Variants in NPAS3 observed in about 807,000 individuals in gnomAD.
NPAS3 encodes the protein neuronal PAS domain-containing protein 3.
In NPAS3, 14 loss-of-function variants were observed where a neutral mutation model predicts 73.1. That is an observed-to-expected ratio of 0.19 (90% CI 0.13 to 0.30). The LOEUF (loss-of-function observed/expected upper bound fraction) is 0.30, where lower values mean the gene tolerates loss of function less well. Ranked by LOEUF, NPAS3 falls within the 10% of genes least tolerant of loss-of-function variation. The pLI is 1.00. For synonymous variants in NPAS3, 620 were observed against 541.5 expected, an observed-to-expected ratio of 1.14 and a Z score of -2.01; for missense variants, 1,096 against 1,250.0, an observed-to-expected ratio of 0.88 and a Z score of 1.86.
chr14:33,325,814 T>A (rs564767865), intron 3 of NPAS3, among the ~76,000 whole-genome samples: 8 of 151,410 alleles, frequency 5.3e-5, no homozygotes, highest in African/African-American at 1.2e-4. Context: ...CTGGTAACCA[T>A]CCTTCTATGA....
chr14:33,417,087 T>C (rs2048177088), intron 4 of NPAS3, among the ~76,000 whole-genome samples: 1 of 152,072 alleles, frequency 6.6e-6, no homozygotes, highest in African/African-American at 2.4e-5. Context: ...TGCAAGATGA[T>C]ATAATTAAGA....
chr14:33,120,833 A>T (rs1029536959), intron 2 of NPAS3, among the ~76,000 whole-genome samples: 1 of 152,108 alleles, frequency 6.6e-6, no homozygotes, highest in African/African-American at 2.4e-5. Flanking sequence ...AAGGAGAAGT[A>T]TGAGTTTATC....
chr14:33,540,472 A>G (rs2054461089), intron 4 of NPAS3, among the ~76,000 whole-genome samples: 1 of 152,204 alleles, frequency 6.6e-6, no homozygotes, highest in Non-Finnish European at 1.5e-5. Flanking sequence ...AAAAAACAAC[A>G]TTGTTCCTTC....
chr14:33,202,056 C>G (rs758678748), intron 2 of NPAS3, among the ~76,000 whole-genome samples: 13 of 152,048 alleles, frequency 8.5e-5, no homozygotes, highest in Non-Finnish European at 1.5e-4. Context: ...TTAAAATGTG[C>G]CTAATTATTT....
intron 10 of NPAS3, among the ~76,000 whole-genome samples, chr14:33,795,456 G>A (rs577419260): frequency 6.6e-6 from 1 of 152,268 alleles, no homozygotes; most frequent in East Asian, 1.9e-4. Flanking sequence ...AATGCAGGTG[G>A]TTATAAAAAC....
At chr14:33,648,672 G>T (rs917003806) in intron 5 of NPAS3, among the ~76,000 whole-genome samples, 1 of 152,152 alleles carries the variant, frequency 6.6e-6, no homozygotes, top group African/African-American at 2.4e-5. Flanking sequence ...ATCCCAGTGC[G>T]TGTGTGAAGC....
At position 33,678,457 on chromosome 14, in the gene NPAS3, CAACCCTTATTCAA is replaced by C. The variant is rs1232404420; in HGVS notation, c.733+2073_733+2085del. Among the ~76,000 whole-genome samples, 4 of 152,302 alleles carry C rather than the reference CAACCCTTATTCAA, an allele frequency of 2.6e-5. No individual in the cohort carries two copies. In the East Asian group the frequency reaches 7.7e-4, roughly 29 times the overall value. ...TTCCAGGTCAAACAGTGCTAATTCA[CAACCCTTATTCAA>C]TGGCGTGTTCCTAAAAGCCTCACCA... On this transcript the variant is annotated intron_variant, in intron 6 of 11. Coordinates refer to ENST00000356141, the Ensembl canonical transcript of NPAS3.
At chr14:33,542,706 A>C (rs1595119301) in intron 4 of NPAS3, among the ~76,000 whole-genome samples, 1 of 152,326 alleles carries the variant, frequency 6.6e-6, no homozygotes, top group African/African-American at 2.4e-5. Context: ...TTTAAGTAAA[A>C]AATATTGAGT....
intron 2 of NPAS3, among the ~76,000 whole-genome samples, chr14:33,148,682 CT>C (rs201126178): frequency 6.6e-6 from 1 of 151,932 alleles, no homozygotes; most frequent in East Asian, 1.9e-4. Context: ...TATTTCTTTT[CT>C]TTTTTAAAAA....
intron 7 of NPAS3, among the ~76,000 whole-genome samples, chr14:33,740,156 T>C (rs183229537): frequency 4.3e-4 from 65 of 152,342 alleles, no homozygotes; most frequent in Admixed American, 2.9e-3. Context: ...GGCATCTTTT[T>C]TCCATTTTAT....
intron 4 of NPAS3, among the ~76,000 whole-genome samples, chr14:33,456,849 G>A (rs2050043382): frequency 6.6e-6 from 1 of 152,112 alleles, no homozygotes; most frequent in Non-Finnish European, 1.5e-5. Context: ...GGTTGAGTGT[G>A]GGCTGCAGAA....
intron 1 of NPAS3, among the ~76,000 whole-genome samples, chr14:33,001,123 T>C (rs974827084): frequency 1.3e-5 from 2 of 152,238 alleles, no homozygotes; most frequent in Non-Finnish European, 2.9e-5. Flanking sequence ...TGTGTCTCCA[T>C]TCTACGCAGT....
At chr14:33,179,549 T>G (rs1213156454) in intron 2 of NPAS3, among the ~76,000 whole-genome samples, 3 of 152,178 alleles carry the variant, frequency 2.0e-5, no homozygotes, top group Non-Finnish European at 4.4e-5. Context: ...AGCTTAGAGC[T>G]AGTAAATTGT....
intron 1 of NPAS3, among the ~76,000 whole-genome samples, chr14:33,015,844 ACAT>A (rs1198553547): frequency 6.6e-6 from 1 of 152,210 alleles, no homozygotes; most frequent in African/African-American, 2.4e-5. Flanking sequence ...TCAACAGTAA[ACAT>A]CTATTACTTT....
At chr14:33,680,943 T>TGCTATTATAC (rs1260290847) in intron 6 of NPAS3, 1 of 372,916 alleles carries the variant, frequency 2.7e-6, no homozygotes, top group East Asian at 4.8e-5. Context: ...ATGATTTTTA[T>TGCTATTATAC]GCTATTATAC....
In NPAS3 at chr14:33,543,946, CATATATAT is replaced by C. The variant is rs35154724; in HGVS notation, c.469-16126_469-16119del. On this transcript the variant is annotated intron_variant, in intron 4 of 11. Coordinates refer to ENST00000356141, the Ensembl canonical transcript of NPAS3. ...CATCTCAGACAGGTATGGCAAAGTG[CATATATAT>C]ATATATATATATATATATATATATA... Among the ~76,000 whole-genome samples, 697 of 103,768 alleles carry C rather than the reference CATATATAT, an allele frequency of 6.7e-3. 4 individuals carry two copies. Among genetic ancestry groups the C allele is most frequent in the Non-Finnish European group, 9.7e-3 (433 of 44,544 alleles). The allele number at this position is 103,768 out of a possible 152,430, so 68.1% of individuals were successfully genotyped here. A position where few individuals can be genotyped will look rare whatever the true frequency, so the allele number is the denominator to read the frequency against.
intron 3 of NPAS3, among the ~76,000 whole-genome samples, chr14:33,315,506 CG>C (rs36035161): frequency 0.4 from 59,399 of 149,312 alleles, 11,903 homozygotes; most frequent in East Asian, 0.58. Context: ...AAGAGTGTGT[CG>C]GGGGGGGAGT....
At chr14:33,554,979 C>T (rs1303046130) in intron 4 of NPAS3, among the ~76,000 whole-genome samples, 1 of 150,932 alleles carries the variant, frequency 6.6e-6, no homozygotes, top group Non-Finnish European at 1.5e-5. Context: ...ATATGTTACA[C>T]TAATGTCAGG....
At chr14:33,095,988 C>G (rs2042407999) in intron 2 of NPAS3, among the ~76,000 whole-genome samples, 1 of 150,920 alleles carries the variant, frequency 6.6e-6, no homozygotes, top group South Asian at 2.1e-4. Flanking sequence ...GCCGGTCATT[C>G]TCTGTTTTTT....
Sources: allele counts gnomAD v4.1 joint callset (sites outside exome capture counted in the v4.1 genomes callset), GRCh38; gene constraint gnomAD v4.1.1; transcripts MANE v1.5; gene names NCBI Gene and HGNC (gene_info 2026-07-23, HGNC 2026-07-21).